The following PITPNC1 variants were observed in gnomAD, a reference collection of about 807,000 sequenced individuals.
PITPNC1 encodes the protein cytoplasmic phosphatidylinositol transfer protein 1.
Under a neutral mutation model 44.7 loss-of-function variants are expected in PITPNC1, and 18 were observed. The observed-to-expected ratio is 0.40, with a 90% CI of 0.28 to 0.60. PITPNC1 has a LOEUF of 0.60. Ranked by LOEUF, PITPNC1 falls within the 20% of genes least tolerant of loss-of-function variation. The pLI, the probability that PITPNC1 is intolerant of heterozygous loss-of-function variation, is 0.39. For synonymous variants in PITPNC1, 141 were observed against 149.6 expected (o/e 0.94, Z 0.42); for missense variants, 290 against 418.4 (o/e 0.69, Z 2.68).
intron 4 of PITPNC1, among the ~76,000 whole-genome samples, chr17:67,572,262 T>C (rs1278558522): frequency 6.6e-6 from 1 of 151,964 alleles, no homozygotes; most frequent in Non-Finnish European, 1.5e-5. Context: ...CCCAAGGACA[T>C]TTATCAGGAT....
intron 1 of PITPNC1, among the ~76,000 whole-genome samples, chr17:67,512,752 A>G (rs2040204943): frequency 6.6e-6 from 1 of 151,672 alleles, no homozygotes; most frequent in Admixed American, 6.6e-5. Flanking sequence ...AATACATTTA[A>G]TTTTTGAGAA....
chr17:67,470,788 A>T (rs1251843768), intron 1 of PITPNC1, among the ~76,000 whole-genome samples: 3 of 151,110 alleles, frequency 2.0e-5, no homozygotes, highest in Non-Finnish European at 4.4e-5. Flanking sequence ...AAAGATTGAG[A>T]AATCGGATGG....
intron 1 of PITPNC1, among the ~76,000 whole-genome samples, chr17:67,458,809 C>A (rs766024034): frequency 1.4e-4 from 22 of 152,272 alleles, no homozygotes; most frequent in Non-Finnish European, 1.6e-4. Flanking sequence ...TCCTTCAGAA[C>A]AATTAGCATT....
intron 1 of PITPNC1, among the ~76,000 whole-genome samples, chr17:67,521,920 C>T (rs1420216279): frequency 2.6e-5 from 4 of 152,072 alleles, no homozygotes; most frequent in Admixed American, 1.3e-4. Context: ...TCCTTTCTGC[C>T]GGGTCTTTGT....
intron 1 of PITPNC1, among the ~76,000 whole-genome samples, chr17:67,428,125 G>T (rs1489438583): frequency 6.6e-6 from 1 of 152,130 alleles, no homozygotes; most frequent in Non-Finnish European, 1.5e-5. Context: ...TTCTTGAGTG[G>T]CTGGCACTAC....
At chr17:67,519,577 C>G (rs1277291417) in intron 1 of PITPNC1, among the ~76,000 whole-genome samples, 1 of 152,130 alleles carries the variant, frequency 6.6e-6, no homozygotes, top group East Asian at 1.9e-4. Context: ...GGAGTTGACA[C>G]CCATTTGCTT....
intron 1 of PITPNC1, among the ~76,000 whole-genome samples, chr17:67,502,569 T>G (rs936094205): frequency 5.3e-5 from 8 of 152,168 alleles, no homozygotes; most frequent in African/African-American, 1.9e-4. Context: ...ATTGGGGCTG[T>G]TGTCAGTAAG....
chr17:67,639,501 A>G (rs1264687052), intron 6 of PITPNC1, among the ~76,000 whole-genome samples: 2 of 152,048 alleles, frequency 1.3e-5, no homozygotes, highest in African/African-American at 2.4e-5. Flanking sequence ...GAATAGGGGA[A>G]ATTTGCAATT....
chr17:67,440,391 T>A (rs2038996178), intron 1 of PITPNC1, among the ~76,000 whole-genome samples: 1 of 152,154 alleles, frequency 6.6e-6, no homozygotes, highest in Admixed American at 6.5e-5. Context: ...TCGTTTGCTC[T>A]GGGTTTGAAT....
chr17:67,529,320 C>T (rs1453963039), intron 1 of PITPNC1, among the ~76,000 whole-genome samples: 2 of 152,130 alleles, frequency 1.3e-5, no homozygotes, highest in Non-Finnish European at 2.9e-5. Flanking sequence ...GTTTTTCATA[C>T]GTGAGTGGGT....
intron 1 of PITPNC1, among the ~76,000 whole-genome samples, chr17:67,493,940 A>G (rs1360092922): frequency 5.9e-5 from 9 of 152,174 alleles, no homozygotes; most frequent in Non-Finnish European, 1.2e-4. Flanking sequence ...CTTTCTTCCC[A>G]TACAAACATT....
chr17:67,478,740 A>T (rs1426248717), intron 1 of PITPNC1, among the ~76,000 whole-genome samples: 1 of 152,010 alleles, frequency 6.6e-6, no homozygotes, highest in Non-Finnish European at 1.5e-5. Context: ...GTCTCTGAGG[A>T]TCTGACCTGG....
chr17:67,581,696 G>T (rs1185001050), intron 5 of PITPNC1, among the ~76,000 whole-genome samples: 1 of 152,140 alleles, frequency 6.6e-6, no homozygotes, highest in African/African-American at 2.4e-5. Context: ...TTCAGCGGCT[G>T]TTGGTTGTCC....
rs1035636063 is a variant in PITPNC1, at chr17:67,693,821, G to C, written c.*933G>C. 3.3e-5 allele frequency: 5 copies of C among 152,160 alleles called. No homozygotes were observed. The highest frequency in any genetic ancestry group is 1.5e-5 in the Non-Finnish European group (1 of 68,030). The allele number at this position is 152,160 out of a possible 1,614,324, so 9.4% of individuals were successfully genotyped here. A position where few individuals can be genotyped will look rare whatever the true frequency, so the allele number is the denominator to read the frequency against. ...GGGCTTTAACATGGTCAGAATGTCT[G>C]GTGCATGAACTATAAAAAAGAGAAC... On this transcript the variant is annotated 3_prime_UTR_variant, in exon 9 of 9. Coordinates refer to ENST00000581322, the MANE Select transcript of PITPNC1 (RefSeq NM_012417.4).
chr17:67,452,149 G>A (rs769865709), intron 1 of PITPNC1, among the ~76,000 whole-genome samples: 6 of 151,750 alleles, frequency 4.0e-5, no homozygotes, highest in Non-Finnish European at 7.4e-5. Flanking sequence ...GGGACTACAG[G>A]CACATGCCAC....
rs1160522771 is a variant in PITPNC1 at position 67,425,193 on chromosome 17, G to GCGCGCGCGCGCGCA, written c.48+46992_48+46993insGCGCGCGCGCGCAC. Among the ~76,000 whole-genome samples the GCGCGCGCGCGCGCA allele has an allele frequency of 6.1e-4, 32 of 52,118 alleles. 2 individuals are homozygous for GCGCGCGCGCGCGCA. Among genetic ancestry groups the GCGCGCGCGCGCGCA allele is most frequent in the East Asian group, 2.2e-3 (4 of 1,808 alleles). 34.2% of individuals were successfully genotyped at this position (52,118 alleles called of 152,430 possible). On this transcript the variant is annotated intron_variant, in intron 1 of 8. Coordinates refer to ENST00000581322, the MANE Select transcript of PITPNC1 (RefSeq NM_012417.4). ...AAATAAACAGCCATGTTGTGCGCGC[G>GCGCGCGCGCGCGCA]CACGCACACGCACACACACACACAC...
At chr17:67,506,002 C>T (rs373468722) in intron 1 of PITPNC1, among the ~76,000 whole-genome samples, 2 of 152,280 alleles carry the variant, frequency 1.3e-5, no homozygotes, top group East Asian at 3.9e-4. Context: ...AGTTGTTGAT[C>T]CTCCATTGTT....
At chr17:67,668,888 G>A (rs2042466766) in intron 6 of PITPNC1, among the ~76,000 whole-genome samples, 1 of 152,006 alleles carries the variant, frequency 6.6e-6, no homozygotes, top group Non-Finnish European at 1.5e-5. Context: ...GAAAAAAAGA[G>A]AAAAGAAAAA....
chr17:67,599,014 ATATATATATATATATATATATTT>A (rs1257198198), intron 5 of PITPNC1, among the ~76,000 whole-genome samples: 9 of 20,176 alleles, frequency 4.5e-4, no homozygotes, highest in Non-Finnish European at 1.0e-3. Context: ...ATATATATAT[ATATATATATATATATATATATTT>A]TTTTTTTTTT....
Sources: allele counts gnomAD v4.1 joint callset (sites outside exome capture counted in the v4.1 genomes callset), GRCh38; gene constraint gnomAD v4.1.1; transcripts MANE v1.5; gene names NCBI Gene and HGNC (gene_info 2026-07-23, HGNC 2026-07-21).